ZFC3H1: variants seen among roughly 807,000 people sequenced by gnomAD.
The protein encoded by ZFC3H1 is zinc finger C3H1 domain-containing protein.
In ZFC3H1, 71 loss-of-function variants were observed where a neutral mutation model predicts 243.7. That is an observed-to-expected ratio of 0.29 (90% CI 0.24 to 0.36). ZFC3H1 has a LOEUF of 0.36. Ranked by LOEUF, ZFC3H1 falls within the 10% of genes least tolerant of loss-of-function variation. The pLI, the probability that ZFC3H1 is intolerant of heterozygous loss-of-function variation, is 1.00. For missense variants in ZFC3H1, 1,966 were observed against 2,317.1 expected (o/e 0.85, Z 3.11); for synonymous variants, 838 against 813.0 (o/e 1.03, Z -0.52).
chr12:71,630,095 C>A (rs1050402203), intron 18 of ZFC3H1, among the ~76,000 whole-genome samples: 2 of 152,008 alleles, frequency 1.3e-5, no homozygotes, highest in African/African-American at 4.8e-5. Context: ...TTACTTGGCA[C>A]CAAATCTGAG....
At chr12:71,642,959 A>G (rs937795045) in intron 5 of ZFC3H1, among the ~76,000 whole-genome samples, 2 of 152,234 alleles carry the variant, frequency 1.3e-5, no homozygotes, top group Admixed American at 1.3e-4. Context: ...CAAAAATTCA[A>G]AAACATTTTA....
rs761414691 is a variant in ZFC3H1, at chr12:71,624,242, T to C, written c.4368A>G (p.Arg1456=). The change falls in exon 23 of 35, where the codon AGA becomes AGG. Residue 1456 remains arginine, a synonymous_variant. Coordinates refer to ENST00000378743, the MANE Select transcript of ZFC3H1 (RefSeq NM_144982.5). ...CTGCTCCCATCAGAAACTCCAACAT[T>C]CTCTCACATACGTAATCCTTTTCTT... is the stretch of plus-strand genomic sequence containing the variant. The part of the protein sequence containing the change: ...TFEEKDYVCE[R]MLEFLMGAAK... 6.8e-6 allele frequency: 11 copies of C among 1,613,918 alleles called. No homozygotes were observed. The highest frequency in any genetic ancestry group is 3.3e-4 in the Middle Eastern group (2 of 6,062).
intron 20 of ZFC3H1, 73 bp downstream of exon 20, chr12:71,628,845 T>C (rs1053645957): frequency 1.8e-5 from 26 of 1,473,532 alleles, no homozygotes; most frequent in East Asian, 9.8e-5. Flanking sequence ...CACCAAAGGA[T>C]TAGCAAAGTG....
chr12:71,642,176 T>A (rs977490298), intron 6 of ZFC3H1, among the ~76,000 whole-genome samples: 1 of 152,214 alleles, frequency 6.6e-6, no homozygotes, highest in Non-Finnish European at 1.5e-5. Flanking sequence ...GAGCAAACAG[T>A]TAACAGAGTT....
chr12:71,662,248 T>C (rs934079407), intron 1 of ZFC3H1, among the ~76,000 whole-genome samples: 2 of 152,220 alleles, frequency 1.3e-5, no homozygotes, highest in African/African-American at 4.8e-5. Context: ...TACTATTTCC[T>C]TTCTCAACTT....
intron 18 of ZFC3H1, among the ~76,000 whole-genome samples, chr12:71,629,947 T>G (rs1280595): frequency 6.6e-6 from 1 of 151,500 alleles, no homozygotes; most frequent in East Asian, 1.9e-4. Flanking sequence ...TAAAATGAAC[T>G]AAGTAATTAA....
chr12:71,645,850 A>C (rs1592599007), intron 3 of ZFC3H1, among the ~76,000 whole-genome samples: 1 of 152,214 alleles, frequency 6.6e-6, no homozygotes, highest in Non-Finnish European at 1.5e-5. Flanking sequence ...ATAGAACTGA[A>C]AAATGTCAGG....
intron 27 of ZFC3H1, among the ~76,000 whole-genome samples, chr12:71,618,810 G>A (rs1879954414): frequency 6.6e-6 from 1 of 152,082 alleles, no homozygotes; most frequent in Non-Finnish European, 1.5e-5. Flanking sequence ...AGCAAGCACA[G>A]CTCTATATGA....
At chr12:71,629,537 T>G (rs1165551617) in intron 19 of ZFC3H1, 72 bp downstream of exon 19, 3 of 1,018,742 alleles carry the variant, frequency 2.9e-6, no homozygotes, top group African/African-American at 1.7e-5. Context: ...TAAAAAGTCC[T>G]TTTCAGAAAG....
In ZFC3H1 at chr12:71,663,139, T is replaced by G; in HGVS notation, c.472A>C (p.Ser158Arg). The change falls in exon 1 of 35, where the codon AGT (serine) becomes CGT (arginine). Residue 158 changes from serine (S) to arginine (R), a missense_variant. Coordinates refer to ENST00000378743, the MANE Select transcript of ZFC3H1 (RefSeq NM_144982.5). ...CGCTCACCCACTCCTCGCCCCCGAC[T>G]CCAGCGACTCCCACCCCGGTAAGGC... ...GRPYRGGSRW[S>R]RGRGVGERGG... The G allele has an allele frequency of 6.2e-7, 1 of 1,613,908 alleles. No individual in the cohort carries two copies. Among genetic ancestry groups the G allele is most frequent in the Non-Finnish European group, 8.5e-7 (1 of 1,179,972 alleles).
Position 71,663,698 on chromosome 12 carries a change from C to T in ZFC3H1, c.-88G>A. On this transcript the variant is annotated 5_prime_UTR_variant, in exon 1 of 35. Coordinates refer to ENST00000378743, the MANE Select transcript of ZFC3H1 (RefSeq NM_144982.5). Reference sequence around the variant, plus strand: ...CTCGTTTCCCTTCTTTCCTAACGGACTGGGTCGGTGCGGTCTTACCCTACT... The same window carrying T: ...CTCGTTTCCCTTCTTTCCTAACGGATTGGGTCGGTGCGGTCTTACCCTACT... 6.7e-7 allele frequency: 1 copy of T among 1,481,644 alleles called. No individual in the cohort carries two copies. Among genetic ancestry groups the T allele is most frequent in the Non-Finnish European group, 9.1e-7 (1 of 1,095,230 alleles). 91.8% of individuals were successfully genotyped at this position (1,481,644 alleles called of 1,614,324 possible).
chr12:71,634,036 C>A, intron 12 of ZFC3H1, 119 bp downstream of exon 12: 1 of 1,020,956 alleles, frequency 9.8e-7, no homozygotes, highest in African/African-American at 1.6e-5. Flanking sequence ...CTTCTACATT[C>A]TACAAAGTTT....
At position 71,663,098 on chromosome 12, in the gene ZFC3H1, C is replaced by A. The variant is rs977811308; in HGVS notation, c.513G>T (p.Gly171=). 3.1e-6 allele frequency: 5 copies of A among 1,613,946 alleles called. No homozygotes were observed. The highest frequency in any genetic ancestry group is 2.7e-5 in the African/African-American group (2 of 74,904). ...CTCCTCCTCCCAGAGGAGGTCTGCA[C>A]CCCGGCTTGCCTCCTCGCTCACCCA... ...RGVGERGGKP[G]CRPPLGGGAG... Residue 171 remains glycine (G), a synonymous_variant, in exon 1 of 35, where the codon GGG becomes GGT. Transcript: ENST00000378743.
At position 71,610,533 on chromosome 12, in the gene ZFC3H1, T is replaced by TCTCCAG; in HGVS notation, c.5864_5865insCTGGAG (p.Lys1955delinsAsnTrpArg). The TCTCCAG allele has an allele frequency of 6.2e-7, 1 of 1,613,586 alleles. No individual in the cohort carries two copies. The highest frequency in any genetic ancestry group is 8.5e-7 in the Non-Finnish European group (1 of 1,179,650). ...AAACTAGTTTTCTCAGGTTATCAGTTTTACCTCCTTCTGATGCTTCAAACA... is the reference window on the plus strand; with the variant it reads ...AAACTAGTTTTCTCAGGTTATCAGTTCTCCAGTTACCTCCTTCTGATGCTTCAAACA... On this transcript the variant is annotated protein_altering_variant, in exon 35 of 35. Transcript: ENST00000378743.
chr12:71,663,651 CG>C lies in ZFC3H1; in HGVS notation c.-42del. The C allele has an allele frequency of 6.3e-7, 1 of 1,575,118 alleles. No homozygotes were observed. The stretch of plus-strand genomic sequence containing the variant: ...TTCCACACAACCTTAGCCCTCCGTC[CG>C]GGGATCCGCCCGACAATTGCCTCGT... On this transcript the variant is annotated 5_prime_UTR_variant, in exon 1 of 35. Coordinates refer to ENST00000378743, the MANE Select transcript of ZFC3H1 (RefSeq NM_144982.5).
Position 71,644,895 on chromosome 12 carries a change from T to C in ZFC3H1, c.1261A>G (p.Lys421Glu). The change falls in exon 4 of 35, where the codon AAA becomes GAA. Residue 421 changes from lysine to glutamate, a missense_variant. Lys to Glu is a moderately conservative substitution (Grantham distance 56, BLOSUM62 1). Coordinates refer to ENST00000378743, the MANE Select transcript of ZFC3H1 (RefSeq NM_144982.5). ...VKTSTKTHSA[K>E]KVSTTAKQAL... is the part of the protein sequence containing the mutation. ...TGATCACCTGTAGTGCTAACTTTTTTGGCCGAATGTGTTTTTGTACTTGTT... is the reference window on the plus strand; with the variant it reads ...TGATCACCTGTAGTGCTAACTTTTTCGGCCGAATGTGTTTTTGTACTTGTT... 2.5e-6 allele frequency: 4 copies of C among 1,611,494 alleles called. No individual in the cohort carries two copies. Among genetic ancestry groups the C allele is most frequent in the Non-Finnish European group, 3.4e-6 (4 of 1,179,842 alleles).
intron 1 of ZFC3H1, among the ~76,000 whole-genome samples, chr12:71,661,514 G>A (rs1398236256): frequency 6.1e-5 from 8 of 132,150 alleles, no homozygotes; most frequent in Non-Finnish European, 1.2e-4. Context: ...ACGGAGTCTC[G>A]CTTTACCGCC....
At chr12:71,629,991 T>A (rs1880282197) in intron 18 of ZFC3H1, among the ~76,000 whole-genome samples, 1 of 152,084 alleles carries the variant, frequency 6.6e-6, no homozygotes, top group Admixed American at 6.5e-5. Context: ...ATAAAATAGA[T>A]TCAGTGACAT....
intron 30 of ZFC3H1, among the ~76,000 whole-genome samples, chr12:71,613,991 T>A (rs559416644): frequency 1.1e-4 from 17 of 152,148 alleles, no homozygotes; most frequent in African/African-American, 3.6e-4. Context: ...TGAAAAAAAA[T>A]TTTTTTAAAA....
Sources: allele counts gnomAD v4.1 joint callset (sites outside exome capture counted in the v4.1 genomes callset), GRCh38; gene constraint gnomAD v4.1.1; transcripts MANE v1.5; gene names NCBI Gene and HGNC (gene_info 2026-07-23, HGNC 2026-07-21).